The following NHLRC2 variants were observed in gnomAD, a reference collection of about 807,000 sequenced individuals.
NHLRC2 encodes the protein NHL repeat containing 2, also known as NHL repeat-containing protein 2.
In NHLRC2, 33 loss-of-function variants were observed where a neutral mutation model predicts 68.1. The ratio of observed to expected loss-of-function variants is 0.48; its 90% CI spans 0.37 to 0.65. NHLRC2 has a LOEUF of 0.65. NHLRC2 is among the 30% of genes least tolerant of loss of function. NHLRC2 has a pLI of 0.00. For synonymous variants in NHLRC2, 311 were observed against 309.6 expected (o/e 1.00, Z -0.05); for missense variants, 761 against 853.8 (o/e 0.89, Z 1.35).
rs750685537 is a variant in NHLRC2 at position 113,903,589 on chromosome 10, T to A, written c.1557T>A (p.Asn519Lys). ...CTTLAGTGDT[N>K]NVTSSSFTES... ...CATTAGCAGGAACTGGAGACACAAATAATGTTACCAGTTCCAGTTTTACAG... is the reference window on the plus strand; with the variant it reads ...CATTAGCAGGAACTGGAGACACAAAAAATGTTACCAGTTCCAGTTTTACAG... Residue 519 changes from asparagine to lysine, a missense_variant, in exon 9 of 11, where the codon AAT becomes AAA. Physicochemically the swap from Asn to Lys is moderately conservative, Grantham distance 94. Transcript: ENST00000369301. 7.4e-6 allele frequency: 12 copies of A among 1,612,818 alleles called. No homozygotes were observed. In the African/African-American group the frequency reaches 1.6e-4, roughly 22 times the overall value.
chr10:113,859,293 T>A (rs951436124), intron 2 of NHLRC2, among the ~76,000 whole-genome samples: 2 of 152,178 alleles, frequency 1.3e-5, no homozygotes, highest in Non-Finnish European at 2.9e-5. Flanking sequence ...TAATCAAATT[T>A]TTTTTGTCTA....
intron 1 of NHLRC2, among the ~76,000 whole-genome samples, chr10:113,855,974 C>T (rs1002174299): frequency 2.0e-5 from 3 of 152,190 alleles, no homozygotes; most frequent in Non-Finnish European, 4.4e-5. Context: ...CTGATAACTG[C>T]CCCAGTTGGA....
At chr10:113,899,478 A>G (rs1046072459) in intron 6 of NHLRC2, among the ~76,000 whole-genome samples, 1 of 152,324 alleles carries the variant, frequency 6.6e-6, no homozygotes, top group Non-Finnish European at 1.5e-5. Context: ...TCGTTTAGCA[A>G]ATATTTATGC....
intron 5 of NHLRC2, among the ~76,000 whole-genome samples, chr10:113,895,421 TAA>T (rs1457837038): frequency 6.6e-6 from 1 of 152,178 alleles, no homozygotes; most frequent in Non-Finnish European, 1.5e-5. Flanking sequence ...AAGATAGTGA[TAA>T]ATTCTACAGT....
Position 113,912,859 on chromosome 10 carries a change from G to A in NHLRC2, c.*4323G>A, listed in dbSNP as rs985806924. The A allele has an allele frequency of 4.6e-5, 7 of 152,186 alleles. No individual in the cohort carries two copies. The highest frequency in any genetic ancestry group is 1.7e-4 in the African/African-American group (7 of 41,442). The allele number at this position is 152,186 out of a possible 1,614,324, so 9.4% of individuals were successfully genotyped here. On this transcript the variant is annotated 3_prime_UTR_variant, in exon 11 of 11. Transcript: ENST00000369301. ...CTGTCAAACAAGGGGAAGTAGTGGT[G>A]GAGCCTTTATTCAGGCACGGGTCTC...
In NHLRC2 at chr10:113,908,996, A is replaced by G. The variant is rs1162738686; in HGVS notation, c.*460A>G. 2 of 159,126 alleles carry G rather than the reference A, an allele frequency of 1.3e-5. No individual in the cohort carries two copies. The highest frequency in any genetic ancestry group is 1.4e-5 in the Non-Finnish European group (1 of 72,218). 9.9% of individuals were successfully genotyped at this position (159,126 alleles called of 1,614,324 possible). On this transcript the variant is annotated 3_prime_UTR_variant, in exon 11 of 11. Transcript: ENST00000369301. ...CCACATTTGTATAAGAACACCAAGT[A>G]TTCAAGGCATAAAGTCTGTTGTAAG... is the stretch of plus-strand genomic sequence containing the variant.
intron 9 of NHLRC2, 143 bp from the exon 10 acceptor site, chr10:113,904,674 A>G (rs1168257089): frequency 1.5e-6 from 1 of 645,976 alleles, no homozygotes; most frequent in East Asian, 2.8e-5. Flanking sequence ...GAGGGCATCT[A>G]ACACATTCTA....
chr10:113,894,840 A>G (rs1053181487), intron 5 of NHLRC2, among the ~76,000 whole-genome samples: 2 of 152,144 alleles, frequency 1.3e-5, no homozygotes, highest in Admixed American at 6.6e-5. Context: ...TCTCAGCCCT[A>G]TCAGATCCCA....
Position 113,911,262 on chromosome 10 carries a change from T to C in NHLRC2, c.*2726T>C, listed in dbSNP as rs571890870. 2 of 152,282 alleles carry C rather than the reference T, an allele frequency of 1.3e-5. No homozygotes were observed. Among genetic ancestry groups the C allele is most frequent in the Admixed American group, 1.3e-4 (2 of 15,302 alleles). 9.4% of individuals were successfully genotyped at this position (152,282 alleles called of 1,614,324 possible). A position where few individuals can be genotyped will look rare whatever the true frequency, so the allele number is the denominator to read the frequency against. On this transcript the variant is annotated 3_prime_UTR_variant, in exon 11 of 11. Transcript: ENST00000369301. Reference sequence around the variant, plus strand: ...CTTTATTATTTCACAAATGGTAGAATTTCTTGATATGATTCTTGTAAAGAG... The same window carrying C: ...CTTTATTATTTCACAAATGGTAGAACTTCTTGATATGATTCTTGTAAAGAG...
rs752352847 is a variant in NHLRC2, at chr10:113,858,535, A to G, written c.186A>G (p.Glu62=). The change falls in exon 2 of 11, where the codon GAA becomes GAG. Residue 62 remains glutamate (E), a synonymous_variant. Transcript: ENST00000369301. The stretch of plus-strand genomic sequence containing the variant: ...ATTTTATGTAAATTTCAGGATTAGA[A>G]TGGCTGAACACAGAAGAACCTATTT... The part of the protein sequence containing the change: ...LSVPEFPEGL[E]WLNTEEPISV... The G allele has an allele frequency of 1.3e-6, 2 of 1,597,382 alleles. No homozygotes were observed. Among genetic ancestry groups the G allele is most frequent in the Non-Finnish European group, 1.7e-6 (2 of 1,169,424 alleles).
chr10:113,902,690 T>TA, intron 8 of NHLRC2, 97 bp downstream of exon 8: 1 of 1,036,266 alleles, frequency 9.7e-7, no homozygotes, highest in Non-Finnish European at 1.5e-6. Context: ...CACTCTAAAA[T>TA]ATAGAAAGGA....
At chr10:113,892,978 C>T (rs1046327599) in intron 5 of NHLRC2, among the ~76,000 whole-genome samples, 1 of 152,096 alleles carries the variant, frequency 6.6e-6, no homozygotes, top group Non-Finnish European at 1.5e-5. Flanking sequence ...TTGCTATTAT[C>T]ACTGTTTTCT....
Position 113,905,037 on chromosome 10 carries a change from G to T in NHLRC2, c.1924+1G>T, listed in dbSNP as rs1247270689. On this transcript the variant is annotated splice_donor_variant, in intron 10 of 10. Transcript: ENST00000369301. LOFTEE classifies it high-confidence loss of function. ...AGTTGCTGGTTTCTAACAGCTGAAG[G>T]TATGAGTATAAGCTTGCAAATACTA... The T allele has an allele frequency of 6.8e-7, 1 of 1,469,424 alleles. No individual in the cohort carries two copies. Among genetic ancestry groups the T allele is most frequent in the Non-Finnish European group, 9.2e-7 (1 of 1,089,898 alleles). 91.0% of individuals were successfully genotyped at this position (1,469,424 alleles called of 1,614,324 possible). A position where few individuals can be genotyped will look rare whatever the true frequency, so the allele number is the denominator to read the frequency against.
chr10:113,875,808 AGTT>A (rs959427125), intron 2 of NHLRC2, among the ~76,000 whole-genome samples: 22 of 151,540 alleles, frequency 1.5e-4, no homozygotes, highest in African/African-American at 5.3e-4. Flanking sequence ...AGGTTTGAGT[AGTT>A]TTTGGTGGAT....
intron 2 of NHLRC2, among the ~76,000 whole-genome samples, chr10:113,868,052 G>T (rs761066434): frequency 6.6e-6 from 1 of 152,062 alleles, no homozygotes; most frequent in Non-Finnish European, 1.5e-5. Flanking sequence ...TCACTGGTGC[G>T]ATCACAGCTC....
At position 113,911,674 on chromosome 10, in the gene NHLRC2, G is replaced by A. The variant is rs1000231011; in HGVS notation, c.*3138G>A. ...TATCTCTATAATGTAATAGTTTTCT[G>A]CCTGCACAAAGTTTACTATTAATTT... On this transcript the variant is annotated 3_prime_UTR_variant, in exon 11 of 11. Transcript: ENST00000369301. The A allele has an allele frequency of 1.2e-4, 18 of 152,170 alleles. No homozygotes were observed. Among genetic ancestry groups the A allele is most frequent in the African/African-American group, 3.6e-4 (15 of 41,564 alleles). The allele number at this position is 152,170 out of a possible 1,614,324, so 9.4% of individuals were successfully genotyped here.
rs1483406951 is a variant in NHLRC2, at chr10:113,909,463, TC to T, written c.*928del. On this transcript the variant is annotated 3_prime_UTR_variant, in exon 11 of 11. Transcript: ENST00000369301. Reference sequence around the variant, plus strand: ...TTGAGTTTAGGTTTTGAGGTTTTTTTCGTTCCCATATTCAGAATTTAAATTA... The same window carrying T: ...TTGAGTTTAGGTTTTGAGGTTTTTTTGTTCCCATATTCAGAATTTAAATTA... The T allele has an allele frequency of 6.6e-6, 1 of 152,142 alleles. No homozygotes were observed. The highest frequency in any genetic ancestry group is 1.5e-5 in the Non-Finnish European group (1 of 67,976). 9.4% of individuals were successfully genotyped at this position (152,142 alleles called of 1,614,324 possible). A position where few individuals can be genotyped will look rare whatever the true frequency, so the allele number is the denominator to read the frequency against.
In NHLRC2 at chr10:113,854,747, T is replaced by C; in HGVS notation, c.-126T>C. ...TAAAAAGAAAAAAGTGTCATTGGCG[T>C]GGAGTGGGGCTAGTGGAGGGTGAGG... On this transcript the variant is annotated 5_prime_UTR_variant, in exon 1 of 11. Coordinates refer to ENST00000369301, the MANE Select transcript of NHLRC2 (RefSeq NM_198514.4). 1 of 694,106 alleles carries C rather than the reference T, an allele frequency of 1.4e-6. No homozygotes were observed. Among genetic ancestry groups the C allele is most frequent in the South Asian group, 2.0e-5 (1 of 49,388 alleles). 43.0% of individuals were successfully genotyped at this position (694,106 alleles called of 1,614,324 possible). A position where few individuals can be genotyped will look rare whatever the true frequency, so the allele number is the denominator to read the frequency against.
chr10:113,895,078 T>C (rs2134728568), intron 5 of NHLRC2, among the ~76,000 whole-genome samples: 1 of 152,328 alleles, frequency 6.6e-6, no homozygotes, highest in East Asian at 1.9e-4. Context: ...CAGCATTTTT[T>C]AGGGTGGGCT....
Sources: gnomAD v4.1 joint callset for allele counts (sites outside exome capture counted in the v4.1 genomes callset) on GRCh38, gnomAD v4.1.1 for gene constraint, MANE v1.5 for transcripts, NCBI Gene and HGNC (gene_info 2026-07-23, HGNC 2026-07-21) for gene names.